SHROOM4: variants seen among roughly 807,000 people sequenced by gnomAD.
SHROOM4 encodes shroom family member 4, also known as protein Shroom4.
SHROOM4 carries 17 observed loss-of-function variants against 80.3 expected under a neutral mutation model. The ratio of observed to expected loss-of-function variants is 0.21; its 90% CI spans 0.14 to 0.32. SHROOM4 has a LOEUF of 0.32. Ranked by LOEUF, SHROOM4 falls within the 10% of genes least tolerant of loss-of-function variation. The probability of loss-of-function intolerance (pLI) is 1.00; values close to 1 mark genes in which losing one functional copy is unlikely to be tolerated. For synonymous variants in SHROOM4, 400 were observed against 437.5 expected (o/e 0.91, Z 1.07); for missense variants, 993 against 1,140.3 (o/e 0.87, Z 1.86).
chrX:50,750,646 C>T (rs1934896404), intron 1 of SHROOM4, among the ~76,000 whole-genome samples: 1 of 112,134 alleles, frequency 8.9e-6, no homozygotes, highest in Admixed American at 9.5e-5. Context: ...GTTCAATGAT[C>T]TCCTGTTTCT....
chrX:50,710,472 A>G (rs1222363161), intron 1 of SHROOM4, among the ~76,000 whole-genome samples: 1 of 111,063 alleles, frequency 9.0e-6, no homozygotes, highest in Non-Finnish European at 1.9e-5. Flanking sequence ...ATAGGTACTC[A>G]TGGACATAAA....
intron 2 of SHROOM4, 59 bp from the exon 3 acceptor site, chrX:50,638,367 A>G: frequency 8.4e-7 from 1 of 1,191,186 alleles, no homozygotes; most frequent in Non-Finnish European, 1.1e-6. Context: ...ATCACTTCCC[A>G]GGCAGCTTCC....
At chrX:50,643,269 G>C (rs1475954286) in intron 2 of SHROOM4, 1 of 111,906 alleles carries the variant, frequency 8.9e-6, no homozygotes, top group Admixed American at 9.5e-5. Context: ...AGCAAGAGGG[G>C]GAAGAGTGGC....
intron 1 of SHROOM4, among the ~76,000 whole-genome samples, chrX:50,764,367 A>T (rs1935224845): frequency 9.1e-6 from 1 of 109,302 alleles, no homozygotes; most frequent in Non-Finnish European, 1.9e-5. Flanking sequence ...TAAAACATGA[A>T]GCTGAGAGTG....
chrX:50,808,806 T>A (rs1159248364), intron 1 of SHROOM4, among the ~76,000 whole-genome samples: 1 of 110,870 alleles, frequency 9.0e-6, no homozygotes, highest in Non-Finnish European at 1.9e-5. Context: ...TTATTTTCTT[T>A]GTGTGAAGTT....
intron 6 of SHROOM4, 150 bp downstream of exon 6, chrX:50,607,231 C>G: frequency 1.9e-6 from 1 of 527,267 alleles, no homozygotes; most frequent in East Asian, 3.6e-5. Context: ...AAGCAAGTAT[C>G]ATTATACCCA....
chrX:50,655,163 A>G (rs944920321), intron 2 of SHROOM4, among the ~76,000 whole-genome samples: 7 of 109,624 alleles, frequency 6.4e-5, no homozygotes, highest in Non-Finnish European at 9.5e-5. Flanking sequence ...GTGTATATAT[A>G]CCACATTTTA....
rs1401509325 is a variant in SHROOM4, at chrX:50,596,145, C to A, written c.*550G>T. 1.5e-5 allele frequency: 5 copies of A among 328,658 alleles called. No homozygotes were observed. The highest frequency in any genetic ancestry group is 2.9e-5 in the Non-Finnish European group (5 of 169,949). The allele number at this position is 328,658 out of a possible 1,213,427, so 27.1% of individuals were successfully genotyped here. ...CTAAGGGGCACCTGGGGGTACTCAA[C>A]CTTTGCTTGCATTTTTTTCAGTGTA... On this transcript the variant is annotated 3_prime_UTR_variant, in exon 9 of 9. Coordinates refer to ENST00000376020, the MANE Select transcript of SHROOM4 (RefSeq NM_020717.5).
chrX:50,696,743 GTATT>G (rs781960651), intron 1 of SHROOM4, among the ~76,000 whole-genome samples: 1 of 112,101 alleles, frequency 8.9e-6, no homozygotes, highest in Admixed American at 9.5e-5. Context: ...GGAAATATGG[GTATT>G]TACTGTTCCA....
rs1557255335 is a variant in SHROOM4 at position 50,634,779 on chromosome X, T to C, written c.1294A>G (p.Lys432Glu). 1 of 1,211,777 alleles carries C rather than the reference T, an allele frequency of 8.3e-7. No homozygotes were observed. The highest frequency in any genetic ancestry group is 1.8e-5 in the South Asian group (1 of 56,959). The stretch of plus-strand genomic sequence containing the variant: ...TGTACGGGTGGGAGCTCCATCCCTT[T>C]GCTGCCCCTGGTATCAAGGTGCACA... ...QHVHLDTRGS[K>E]GMELPPVQDG... Residue 432 changes from lysine (K) to glutamate (E), a missense_variant, in exon 4 of 9, where the codon AAA becomes GAA. Transcript: ENST00000376020.
chrX:50,767,933 T>A (rs910460893), intron 1 of SHROOM4, among the ~76,000 whole-genome samples: 1 of 111,722 alleles, frequency 9.0e-6, no homozygotes, highest in Non-Finnish European at 1.9e-5. Flanking sequence ...TCTATTAGAG[T>A]CATGGTAATA....
At chrX:50,809,365 A>G (rs1296886291) in intron 1 of SHROOM4, among the ~76,000 whole-genome samples, 1 of 112,430 alleles carries the variant, frequency 8.9e-6, no homozygotes, top group African/African-American at 3.2e-5. Flanking sequence ...TGAAGTCTCA[A>G]CTGCCTCTCT....
At chrX:50,729,074 A>T (rs1348395205) in intron 1 of SHROOM4, among the ~76,000 whole-genome samples, 2 of 111,840 alleles carry the variant, frequency 1.8e-5, no homozygotes, top group Admixed American at 1.9e-4. Flanking sequence ...TGGAAAAGAG[A>T]TCACATATTA....
In SHROOM4 at chrX:50,633,706, C is replaced by T; in HGVS notation, c.2367G>A (p.Leu789=). ...TGTTGCTATGAGTGGTTAAACCTGG[C>T]AAATGAGATGTAGATAAGGATTTGC... ...ESSKSLSTSH[L]PGLTTHSNKT... The change falls in exon 4 of 9, where the codon TTG becomes TTA. Residue 789 remains leucine, a synonymous_variant. Transcript: ENST00000376020. 1 of 1,211,914 alleles carries T rather than the reference C, an allele frequency of 8.3e-7. No homozygotes were observed. Among genetic ancestry groups the T allele is most frequent in the East Asian group, 3.0e-5 (1 of 33,845 alleles).
Position 50,596,780 on chromosome X carries a change from C to T in SHROOM4, c.4397G>A (p.Arg1466Gln). Residue 1466 changes from arginine to glutamine, a missense_variant, in exon 9 of 9, where the codon CGA becomes CAA. By Grantham distance (43) the Arg-to-Gln change is conservative. Transcript: ENST00000376020. ...KMKSALIIEQ[R>Q]ELEEKIKLGE... ...GAGCTTGATCTTCTCCTCCAGCTCT[C>T]GCTGTTCAATGATGAGAGCAGATTT... 8.3e-7 allele frequency: 1 copy of T among 1,211,908 alleles called. No individual in the cohort carries two copies. The highest frequency in any genetic ancestry group is 1.1e-6 in the Non-Finnish European group (1 of 895,517).
intron 1 of SHROOM4, among the ~76,000 whole-genome samples, chrX:50,790,628 A>C (rs978854498): frequency 8.9e-6 from 1 of 112,001 alleles, no homozygotes; most frequent in Admixed American, 9.5e-5. Flanking sequence ...TCTGGTATGC[A>C]AAGATGGTTT....
intron 5 of SHROOM4, 65 bp from the exon 6 acceptor site, chrX:50,608,249 G>GACA: frequency 9.5e-7 from 1 of 1,052,662 alleles, no homozygotes; most frequent in Non-Finnish European, 1.3e-6. Context: ...TATTTTGGAT[G>GACA]ACAACATTTA....
intron 1 of SHROOM4, among the ~76,000 whole-genome samples, chrX:50,698,672 T>A (rs1933439914): frequency 9.0e-6 from 1 of 111,520 alleles, no homozygotes; most frequent in Non-Finnish European, 1.9e-5. Flanking sequence ...TCTAGATTTC[T>A]GAGGTCTAGC....
chrX:50,642,558 C>T (rs1417987500), intron 2 of SHROOM4, among the ~76,000 whole-genome samples: 2 of 111,992 alleles, frequency 1.8e-5, no homozygotes, highest in African/African-American at 6.5e-5. Flanking sequence ...TGGGCATAAG[C>T]TATCCTTCTG....
Sources: gnomAD v4.1 joint callset for allele counts (sites outside exome capture counted in the v4.1 genomes callset) on GRCh38, gnomAD v4.1.1 for gene constraint, MANE v1.5 for transcripts, NCBI Gene and HGNC (gene_info 2026-07-23, HGNC 2026-07-21) for gene names.